The following ALOX5 variants were observed in gnomAD, a reference collection of about 807,000 sequenced individuals.
ALOX5 encodes the protein polyunsaturated fatty acid 5-lipoxygenase.
In ALOX5, 64 loss-of-function variants were observed where a neutral mutation model predicts 87.9. The ratio of observed to expected loss-of-function variants is 0.73; its 90% CI spans 0.60 to 0.90. The LOEUF (loss-of-function observed/expected upper bound fraction) is 0.90, where lower values mean the gene tolerates loss of function less well. Among genes scored for constraint, ALOX5 ranks in the 40% least tolerant of loss-of-function variants. ALOX5 has a pLI of 0.00. For synonymous variants in ALOX5, 388 were observed against 355.1 expected (o/e 1.09, Z -1.04); for missense variants, 822 against 907.5 (o/e 0.91, Z 1.21).
intron 1 of ALOX5, among the ~76,000 whole-genome samples, chr10:45,379,215 A>T (rs1839741781): frequency 6.6e-6 from 1 of 151,978 alleles, no homozygotes; most frequent in East Asian, 1.9e-4. Context: ...CCCTCCCATG[A>T]GAGTGTCCCT....
Position 45,382,495 on chromosome 10 carries a change from G to A in ALOX5, c.163G>A (p.Asp55Asn), listed in dbSNP as rs763898279. Reference protein sequence around the residue: ...DFERGAVDSYDVTVDEELGEI... With the variant: ...DFERGAVDSYNVTVDEELGEI... ...TTCTCCTTCCCAGGTGGATTCATAC[G>A]ACGTGACTGTGGACGAGGAACTGGG... Residue 55 changes from aspartate (D) to asparagine (N), a missense_variant, in exon 2 of 14, where the codon GAC becomes AAC. By Grantham distance (23) the Asp-to-Asn change is conservative. Transcript: ENST00000374391. 30 of 1,614,042 alleles carry A rather than the reference G, an allele frequency of 1.9e-5. No homozygotes were observed. Among genetic ancestry groups the A allele is most frequent in the African/African-American group, 6.7e-5 (5 of 74,912 alleles).
Position 45,412,236 on chromosome 10 carries a change from A to T in ALOX5, c.477A>T (p.Lys159Asn), listed in dbSNP as rs761933659. Residue 159 changes from lysine to asparagine, a missense_variant, in exon 4 of 14, where the codon AAA becomes AAT. Coordinates refer to ENST00000374391, the MANE Select transcript of ALOX5 (RefSeq NM_000698.5). The stretch of plus-strand genomic sequence containing the variant: ...GCTTCCCCTTGAGCATCGATGCCAA[A>T]TGCCACAAGGATTTACCCCGTGATA... ...NPGFPLSIDA[K>N]CHKDLPRDIQ... 6.2e-7 allele frequency: 1 copy of T among 1,614,172 alleles called. No individual in the cohort carries two copies. The highest frequency in any genetic ancestry group is 1.1e-5 in the South Asian group (1 of 91,078).
At chr10:45,428,455 G>GAATC in intron 6 of ALOX5, 163 bp from the exon 7 acceptor site, 3 of 858,846 alleles carry the variant, frequency 3.5e-6, no homozygotes, top group Non-Finnish European at 5.3e-6. Flanking sequence ...CCTTCCATGT[G>GAATC]AATCAATCAG....
At chr10:45,406,886 T>C (rs1840904637) in intron 3 of ALOX5, among the ~76,000 whole-genome samples, 1 of 152,238 alleles carries the variant, frequency 6.6e-6, no homozygotes, top group African/African-American at 2.4e-5. Context: ...CCAAAACAAG[T>C]AGTGGTAGTA....
At chr10:45,381,886 T>C (rs1461982120) in intron 1 of ALOX5, among the ~76,000 whole-genome samples, 1 of 152,232 alleles carries the variant, frequency 6.6e-6, no homozygotes, top group Non-Finnish European at 1.5e-5. Flanking sequence ...ATTTAAGGTG[T>C]TCATGAAGAA....
At chr10:45,441,762 C>T (rs1297342710) in intron 9 of ALOX5, among the ~76,000 whole-genome samples, 1 of 151,698 alleles carries the variant, frequency 6.6e-6, no homozygotes, top group East Asian at 1.9e-4. Context: ...GCACCAGGAA[C>T]CTGTGTCTGC....
In ALOX5 at chr10:45,438,016, CAT is replaced by C. The variant is rs1162626856; in HGVS notation, c.982-2413_982-2412del. 2.0e-5 allele frequency among the ~76,000 whole-genome samples: 3 copies of C among 152,280 alleles called. No homozygotes were observed. The East Asian group carries it at 5.8e-4, about 29-fold the overall frequency. Reference sequence around the variant, plus strand: ...TTCTAAACAAGCATTTTACTTATAACATTGAGACTTTACTGAAGTTGTTTATC... The same window carrying C: ...TTCTAAACAAGCATTTTACTTATAACTGAGACTTTACTGAAGTTGTTTATC... On this transcript the variant is annotated intron_variant, in intron 7 of 13. Coordinates refer to ENST00000374391, the MANE Select transcript of ALOX5 (RefSeq NM_000698.5).
At chr10:45,426,736 G>T (rs1841717835) in intron 6 of ALOX5, among the ~76,000 whole-genome samples, 1 of 152,146 alleles carries the variant, frequency 6.6e-6, no homozygotes, top group Non-Finnish European at 1.5e-5. Flanking sequence ...ACTCATTTGG[G>T]ACCAGGGCTC....
chr10:45,443,366 C>T (rs777420174), intron 10 of ALOX5, 50 bp from the exon 11 acceptor site: 2 of 1,595,050 alleles, frequency 1.3e-6, no homozygotes, highest in East Asian at 4.5e-5. Flanking sequence ...CCGGGCACCG[C>T]TCCGCAGACC....
At position 45,425,127 on chromosome 10, in the gene ALOX5, G is replaced by C; in HGVS notation, c.829G>C (p.Val277Leu). The C allele has an allele frequency of 6.2e-7, 1 of 1,613,526 alleles. No homozygotes were observed. Among genetic ancestry groups the C allele is most frequent in the Non-Finnish European group, 8.5e-7 (1 of 1,179,866 alleles). The change falls in exon 6 of 14, where the codon GTC becomes CTC. Residue 277 changes from valine to leucine, a missense_variant. Coordinates refer to ENST00000374391, the MANE Select transcript of ALOX5 (RefSeq NM_000698.5). The surrounding 1 kb of genome is among the most constrained non-coding windows in gnomAD (Gnocchi z 4.4). ...LERQLSLEQE[V>L]QQGNIFIVDF... ...GCGGCAGCTCAGCTTGGAGCAGGAGGTCCAGGTAGGGGTTGATGGGCTGGG... is the reference window on the plus strand; with the variant it reads ...GCGGCAGCTCAGCTTGGAGCAGGAGCTCCAGGTAGGGGTTGATGGGCTGGG...
chr10:45,387,587 A>T (rs1367666700), intron 2 of ALOX5, among the ~76,000 whole-genome samples: 1 of 152,160 alleles, frequency 6.6e-6, no homozygotes, highest in East Asian at 1.9e-4. Context: ...TTAGGACCTC[A>T]AGTGGAAATG....
Position 45,374,346 on chromosome 10 carries a change from T to A in ALOX5, c.67T>A (p.Tyr23Asn), listed in dbSNP as rs1441646008. 1 of 1,537,386 alleles carries A rather than the reference T, an allele frequency of 6.5e-7. No homozygotes were observed. Among genetic ancestry groups the A allele is most frequent in the Non-Finnish European group, 8.7e-7 (1 of 1,143,908 alleles). Residue 23 changes from tyrosine (Y) to asparagine (N), a missense_variant, in exon 1 of 14, where the codon TAC becomes AAC. Tyr to Asn is a moderately radical substitution (Grantham distance 143, BLOSUM62 -2). Coordinates refer to ENST00000374391, the MANE Select transcript of ALOX5 (RefSeq NM_000698.5). ...GTTCGCCGGCACTGACGACTACATC[T>A]ACCTCAGCCTCGTGGGCTCGGCGGG... Reference protein sequence around the residue: ...QWFAGTDDYIYLSLVGSAGCS... With the variant: ...QWFAGTDDYINLSLVGSAGCS...
chr10:45,399,593 C>CTT (rs1451610990), intron 3 of ALOX5, among the ~76,000 whole-genome samples: 1 of 152,150 alleles, frequency 6.6e-6, no homozygotes, highest in Non-Finnish European at 1.5e-5. Flanking sequence ...GGCAAAGTCT[C>CTT]TTAGATATGG....
At chr10:45,416,435 T>C (rs533507219) in intron 4 of ALOX5, among the ~76,000 whole-genome samples, 4 of 152,304 alleles carry the variant, frequency 2.6e-5, no homozygotes, top group East Asian at 1.9e-4. Context: ...CCTGGAAACA[T>C]CACGGCAGTT....
chr10:45,386,333 G>T (rs1286222514), intron 2 of ALOX5, among the ~76,000 whole-genome samples: 2 of 151,844 alleles, frequency 1.3e-5, no homozygotes, highest in African/African-American at 2.4e-5. Context: ...AGGTGTGGTG[G>T]TGTGTGCCTA....
intron 9 of ALOX5, chr10:45,442,792 T>A (rs1435428066): frequency 1.9e-6 from 1 of 517,486 alleles, no homozygotes; most frequent in Admixed American, 3.5e-5. Flanking sequence ...CCTTCCCTCT[T>A]GTACTCTGCA....
At chr10:45,429,182 T>C (rs535527250) in intron 7 of ALOX5, among the ~76,000 whole-genome samples, 14 of 152,230 alleles carry the variant, frequency 9.2e-5, no homozygotes, top group African/African-American at 2.2e-4. Context: ...TGAGTTCTTA[T>C]GTCCACCGGA....
chr10:45,444,436 G>A lies in ALOX5; in HGVS notation c.1845+150G>A, dbSNP rs1297413840. 11 of 1,094,208 alleles carry A rather than the reference G, an allele frequency of 1.0e-5. No homozygotes were observed. In the South Asian group the frequency reaches 1.0e-4, roughly 10 times the overall value. The allele number at this position is 1,094,208 out of a possible 1,614,324, so 67.8% of individuals were successfully genotyped here. ...TGGAAGGGCCCAGAAGGCTGCAGCC[G>A]CCACCAGGTCCCCCGGCCTCAGCCT... On this transcript the variant is annotated intron_variant, in intron 13 of 13. Coordinates refer to ENST00000374391, the MANE Select transcript of ALOX5 (RefSeq NM_000698.5).
intron 1 of ALOX5, among the ~76,000 whole-genome samples, chr10:45,375,009 C>G (rs1374136846): frequency 6.6e-6 from 1 of 152,164 alleles, no homozygotes; most frequent in African/African-American, 2.4e-5. Context: ...GTTTCCCCAG[C>G]TGAAAATGGA....
Sources: allele counts gnomAD v4.1 joint callset (sites outside exome capture counted in the v4.1 genomes callset), GRCh38; gene constraint gnomAD v4.1.1; non-coding constraint Gnocchi (gnomAD v3.1); transcripts MANE v1.5; gene names NCBI Gene and HGNC (gene_info 2026-07-23, HGNC 2026-07-21).